The following SLC4A4 variants were observed in gnomAD, a reference collection of about 807,000 sequenced individuals.
SLC4A4 encodes electrogenic sodium bicarbonate cotransporter 1.
SLC4A4 carries 27 observed loss-of-function variants against 111.5 expected under a neutral mutation model. The observed-to-expected ratio is 0.24, with a 90% CI of 0.18 to 0.33. SLC4A4 has a LOEUF of 0.33. Among genes scored for constraint, SLC4A4 ranks in the 10% least tolerant of loss-of-function variants. The probability of loss-of-function intolerance (pLI) is 1.00; values close to 1 mark genes in which losing one functional copy is unlikely to be tolerated. For synonymous variants in SLC4A4, 443 were observed against 463.4 expected (o/e 0.96, Z 0.57); for missense variants, 909 against 1,315.5 (o/e 0.69, Z 4.78).
At chr4:71,514,463 T>A (rs1035537458) in intron 16 of SLC4A4, among the ~76,000 whole-genome samples, 1 of 152,236 alleles carries the variant, frequency 6.6e-6, no homozygotes, top group Non-Finnish European at 1.5e-5. Context: ...ATTAAAATTC[T>A]TTTCTTTATA....
intron 18 of SLC4A4, among the ~76,000 whole-genome samples, chr4:71,535,108 T>A (rs1382553677): frequency 6.6e-6 from 1 of 152,222 alleles, no homozygotes; most frequent in Non-Finnish European, 1.5e-5. Flanking sequence ...GAGCTATTAT[T>A]TAGTGGAGGG....
chr4:71,527,587 G>A (rs1487332890), intron 16 of SLC4A4, among the ~76,000 whole-genome samples: 4 of 151,890 alleles, frequency 2.6e-5, no homozygotes, highest in Non-Finnish European at 5.9e-5. Context: ...TTTTAGTCAA[G>A]CAGGTCTGTC....
intron 1 of SLC4A4, among the ~76,000 whole-genome samples, chr4:71,215,892 T>A (rs928564853): frequency 1.3e-5 from 2 of 151,986 alleles, no homozygotes; most frequent in Non-Finnish European, 2.9e-5. Context: ...TCTACCAACT[T>A]TGTCATTTCT....
At chr4:71,395,088 G>T (rs889772403) in intron 6 of SLC4A4, among the ~76,000 whole-genome samples, 9 of 152,080 alleles carry the variant, frequency 5.9e-5, no homozygotes, top group Non-Finnish European at 8.8e-5. Context: ...ATAAAATAAA[G>T]AATTGCTCTG....
At chr4:71,135,406 C>T (rs567861617) in intron 2 of SLC4A4, among the ~76,000 whole-genome samples, 1 of 151,706 alleles carries the variant, frequency 6.6e-6, no homozygotes, top group East Asian at 2.0e-4. Flanking sequence ...AGAGGTTCTC[C>T]TGCCTCAGCC....
chr4:71,065,403 C>CAAATTA (rs879567647), intron 1 of SLC4A4, among the ~76,000 whole-genome samples: 6,211 of 151,290 alleles, frequency 0.041, 169 homozygotes, highest in Non-Finnish European at 0.064. Context: ...AATTATTGGG[C>CAAATTA]CATATAATGA....
intron 2 of SLC4A4, among the ~76,000 whole-genome samples, chr4:71,166,203 C>T (rs1029645899): frequency 1.3e-5 from 2 of 152,158 alleles, no homozygotes; most frequent in Admixed American, 1.3e-4. Flanking sequence ...ACTTGCTGTA[C>T]TCACCCATAT....
chr4:71,476,443 A>G (rs745772473), intron 14 of SLC4A4, among the ~76,000 whole-genome samples: 24 of 151,870 alleles, frequency 1.6e-4, no homozygotes, highest in Non-Finnish European at 3.1e-4. Flanking sequence ...GTTTTTCAAC[A>G]CTGGGACAGT....
At chr4:71,164,380 CAAA>C (rs766735805) in intron 2 of SLC4A4, among the ~76,000 whole-genome samples, 8 of 65,048 alleles carry the variant, frequency 1.2e-4, no homozygotes, top group Admixed American at 1.7e-4. Flanking sequence ...ACTCTGTCTC[CAAA>C]AAAAAAAAAA....
intron 2 of SLC4A4, among the ~76,000 whole-genome samples, chr4:71,164,330 G>A (rs541251082): frequency 1.3e-5 from 2 of 150,064 alleles, no homozygotes; most frequent in East Asian, 2.0e-4. Flanking sequence ...GTAGGGAGCC[G>A]AGATCGTGCA....
chr4:71,392,532 G>A (rs1719396424), intron 6 of SLC4A4, among the ~76,000 whole-genome samples: 1 of 152,050 alleles, frequency 6.6e-6, no homozygotes, highest in African/African-American at 2.4e-5. Context: ...TTGTTAAAAT[G>A]CACATTGGTG....
intron 3 of SLC4A4, among the ~76,000 whole-genome samples, chr4:71,259,598 C>T (rs1312686501): frequency 6.6e-5 from 10 of 151,984 alleles, no homozygotes; most frequent in African/African-American, 2.2e-4. Context: ...TTAGATTGTG[C>T]TCTTTCTTAA....
rs572448583 is a variant in SLC4A4 at position 71,446,321 on chromosome 4, A to G, written c.966-1325A>G. 2.4e-4 allele frequency among the ~76,000 whole-genome samples: 36 copies of G among 152,296 alleles called. No individual in the cohort carries two copies. The South Asian group carries it at 7.3e-3, about 31-fold the overall frequency. On this transcript the variant is annotated intron_variant, in intron 8 of 25. Transcript: ENST00000264485. ...TAAAAATAAAATTCTGCTGAGCAAA[A>G]TGGCAAGCTGTTTCTGGTACCATAA...
chr4:71,490,402 G>A (rs1729791646), intron 15 of SLC4A4, among the ~76,000 whole-genome samples: 1 of 151,736 alleles, frequency 6.6e-6, no homozygotes, highest in Non-Finnish European at 1.5e-5. Context: ...GAGTTTTGAT[G>A]GTTGTAACTA....
chr4:71,193,401 C>A (rs1375032826), intron 1 of SLC4A4, among the ~76,000 whole-genome samples: 5 of 152,160 alleles, frequency 3.3e-5, no homozygotes, highest in Admixed American at 2.6e-4. Context: ...CCTCGTGATC[C>A]GCCCGCCTTG....
intron 14 of SLC4A4, among the ~76,000 whole-genome samples, chr4:71,478,680 A>G (rs888712353): frequency 6.6e-6 from 1 of 151,712 alleles, no homozygotes; most frequent in Non-Finnish European, 1.5e-5. Flanking sequence ...ACAGCAAACC[A>G]CCATGGCACA....
chr4:71,171,621 C>G (rs75585530), intron 2 of SLC4A4, among the ~76,000 whole-genome samples: 102 of 152,206 alleles, frequency 6.7e-4, no homozygotes, highest in African/African-American at 2.4e-3. Context: ...GTATTACGTG[C>G]GGTGACTTCC....
At chr4:71,567,614 C>T (rs1259390958) in intron 25 of SLC4A4, among the ~76,000 whole-genome samples, 174 bp from the exon 26 acceptor site, 1 of 151,676 alleles carries the variant, frequency 6.6e-6, no homozygotes, top group Admixed American at 6.6e-5. Context: ...TTTCTTGACT[C>T]TGCTGGTAAC....
intron 7 of SLC4A4, among the ~76,000 whole-genome samples, chr4:71,424,452 A>T (rs914767905): frequency 6.6e-6 from 1 of 151,848 alleles, no homozygotes; most frequent in African/African-American, 2.4e-5. Flanking sequence ...AGGGATCTAG[A>T]ACTAGAAATA....
Sources: gnomAD v4.1 joint callset for allele counts (sites outside exome capture counted in the v4.1 genomes callset) on GRCh38, gnomAD v4.1.1 for gene constraint, MANE v1.5 for transcripts, NCBI Gene and HGNC (gene_info 2026-07-23, HGNC 2026-07-21) for gene names.